ALS2: variants seen among roughly 807,000 people sequenced by gnomAD.
The protein encoded by ALS2 is alsin Rho guanine nucleotide exchange factor ALS2.
Under a neutral mutation model 203.4 loss-of-function variants are expected in ALS2, and 117 were observed. The ratio of observed to expected loss-of-function variants is 0.58; its 90% CI spans 0.50 to 0.67. The LOEUF is 0.67. Ranked by LOEUF, ALS2 falls within the 30% of genes least tolerant of loss-of-function variation. The pLI is 0.00. For synonymous variants in ALS2, 718 were observed against 725.9 expected (o/e 0.99, Z 0.17); for missense variants, 1,715 against 1,989.4 (o/e 0.86, Z 2.62).
chr2:201,734,924 T>A (rs1181253566), intron 12 of ALS2, among the ~76,000 whole-genome samples: 1 of 151,958 alleles, frequency 6.6e-6, no homozygotes, highest in Non-Finnish European at 1.5e-5. Flanking sequence ...ATTTTTAAAA[T>A]AAAAAAATAT....
intron 1 of ALS2, among the ~76,000 whole-genome samples, chr2:201,770,012 T>C (rs1574804144): frequency 6.6e-6 from 1 of 152,328 alleles, no homozygotes; most frequent in Non-Finnish European, 1.5e-5. Context: ...TAACAAGAGA[T>C]ATATCTGAAT....
At chr2:201,759,943 G>A (rs1330145510) in intron 4 of ALS2, 3 of 984,038 alleles carry the variant, frequency 3.0e-6, no homozygotes, top group East Asian at 1.1e-4. Context: ...AGTTTAAGCG[G>A]GAACTCAAAC....
chr2:201,768,758 C>T (rs1694230780), intron 2 of ALS2, 108 bp downstream of exon 2: 5 of 1,124,796 alleles, frequency 4.4e-6, no homozygotes, highest in African/African-American at 1.5e-5. Context: ...ACTATTCCCA[C>T]TTAACAACCA....
Position 201,741,684 on chromosome 2 carries a change from T to C in ALS2, c.2341A>G (p.Ser781Gly). 2 of 1,614,108 alleles carry C rather than the reference T, an allele frequency of 1.2e-6. No individual in the cohort carries two copies. The highest frequency in any genetic ancestry group is 8.5e-7 in the Non-Finnish European group (1 of 1,180,004). ...GGACTGGATACTTGCTCTGTATAAC[T>C]ATCCAAGAAGAGACTTGAATGCTTC... ...ILKHSSLFLDSYTEYCTSITN... is the reference protein window; with the variant it reads ...ILKHSSLFLDGYTEYCTSITN... Residue 781 changes from serine (S) to glycine (G), a missense_variant, in exon 11 of 34, where the codon AGT (serine) becomes GGT (glycine). Ser to Gly is a moderately conservative substitution (Grantham distance 56). This residue lies in a region of ALS2 where 1,227 missense variants were observed against 1,413.5 expected (regional missense o/e 0.87). Transcript: ENST00000264276.
In ALS2 at chr2:201,726,849, A is replaced by G. The variant is rs1050068436; in HGVS notation, c.2997T>C (p.Ala999=). The G allele has an allele frequency of 6.2e-7, 1 of 1,613,960 alleles. No individual in the cohort carries two copies. The part of the protein sequence containing the change: ...TPQEKTKWLR[A]ISQAVDQALR... ...AAGCCTGATCTACGGCTTGGCTTAT[A>G]GCTCGTAGCCACTTTGTCTAGGAGC... Residue 999 remains alanine (A), a synonymous_variant, in exon 18 of 34, where the codon GCT becomes GCC. Transcript: ENST00000264276.
In ALS2 at chr2:201,757,514, C is replaced by G. The variant is rs796181791; in HGVS notation, c.1359G>C (p.Gln453His). 6.2e-7 allele frequency: 1 copy of G among 1,614,002 alleles called. No homozygotes were observed. The highest frequency in any genetic ancestry group is 1.3e-5 in the African/African-American group (1 of 75,026). ...TTCCTTGCATTGATTCCTGTTTAAC[C>G]TGTTCTTCCCTGCTATCTTTCAAAC... ...PEGLKDSREEQVKQESMQGKK... is the reference protein window; with the variant it reads ...PEGLKDSREEHVKQESMQGKK... The change falls in exon 5 of 34, where the codon CAG becomes CAC. Residue 453 changes from glutamine (Q) to histidine (H), a missense_variant. Gln to His is a conservative substitution (Grantham distance 24). Transcript: ENST00000264276.
intron 8 of ALS2, 22 bp downstream of exon 8, chr2:201,749,690 G>A (rs574517706): frequency 2.5e-5 from 40 of 1,587,582 alleles, no homozygotes; most frequent in Non-Finnish European, 3.5e-5. Context: ...GGAATAAGTT[G>A]CTATCAAGTT....
At chr2:201,758,321 T>C (rs1693529119) in intron 4 of ALS2, among the ~76,000 whole-genome samples, 1 of 152,158 alleles carries the variant, frequency 6.6e-6, no homozygotes, top group Non-Finnish European at 1.5e-5. Context: ...TAACCTATCA[T>C]CTCCCAAATT....
intron 23 of ALS2, chr2:201,722,482 T>A (rs548783183): frequency 6.6e-6 from 1 of 152,612 alleles, no homozygotes; most frequent in Non-Finnish European, 1.5e-5. Flanking sequence ...ACTCCAGGCA[T>A]CTACTTGAGA....
chr2:201,705,640 G>C (rs961056716), intron 29 of ALS2, among the ~76,000 whole-genome samples, 179 bp from the exon 30 acceptor site: 1 of 152,078 alleles, frequency 6.6e-6, no homozygotes, highest in Non-Finnish European at 1.5e-5. Context: ...ATCTCCCTAA[G>C]GGATTTGTCA....
chr2:201,713,651 T>G (rs180998019), intron 25 of ALS2, among the ~76,000 whole-genome samples: 1 of 152,360 alleles, frequency 6.6e-6, no homozygotes, highest in East Asian at 1.9e-4. Context: ...AACCCCAAAA[T>G]TTTGATTTGG....
intron 3 of ALS2, 36 bp downstream of exon 3, chr2:201,767,193 T>C: frequency 6.2e-7 from 1 of 1,613,628 alleles, no homozygotes; most frequent in Non-Finnish European, 8.5e-7. Context: ...TTGTTAGCAT[T>C]GCAGTTCGTA....
rs1213507308 is a variant in ALS2 at position 201,738,672 on chromosome 2, G to A, written c.2415C>T (p.Ala805=). Reference sequence around the variant, plus strand: ...CTGGAAGGTGTGGGTTTGCTTACATGGCAGGCTTAGCAAGAAGCTGGAATC... The same window carrying A: ...CTGGAAGGTGTGGGTTTGCTTACATAGCAGGCTTAGCAAGAAGCTGGAATC... ...MGGFQLLAKP[A]IDFLNKNQEL... Residue 805 remains alanine, a splice_region_variant and synonymous_variant, in exon 12 of 34, where the codon GCC becomes GCT. Transcript: ENST00000264276. 3 of 1,613,534 alleles carry A rather than the reference G, an allele frequency of 1.9e-6. No homozygotes were observed. Among genetic ancestry groups the A allele is most frequent in the Non-Finnish European group, 2.5e-6 (3 of 1,179,630 alleles).
chr2:201,732,274 G>A (rs1359754444), intron 13 of ALS2, among the ~76,000 whole-genome samples: 1 of 151,900 alleles, frequency 6.6e-6, no homozygotes, highest in African/African-American at 2.4e-5. Flanking sequence ...CCTACAAGGG[G>A]CCAGCGTGGT....
intron 1 of ALS2, among the ~76,000 whole-genome samples, chr2:201,772,647 C>T (rs1694451890): frequency 6.6e-6 from 1 of 152,164 alleles, no homozygotes; most frequent in South Asian, 2.1e-4. Flanking sequence ...TTCCAAAATG[C>T]ACCTTGCCCC....
At chr2:201,752,382 T>G (rs919868564) in intron 7 of ALS2, among the ~76,000 whole-genome samples, 2 of 152,182 alleles carry the variant, frequency 1.3e-5, no homozygotes, top group Non-Finnish European at 2.9e-5. Context: ...ATAAAGCCAG[T>G]AATTTTTATT....
intron 5 of ALS2, among the ~76,000 whole-genome samples, chr2:201,756,466 T>C (rs1259622055): frequency 6.6e-6 from 1 of 152,114 alleles, no homozygotes; most frequent in Non-Finnish European, 1.5e-5. Flanking sequence ...TTTAGTACAG[T>C]CTAGAATTCC....
intron 29 of ALS2, among the ~76,000 whole-genome samples, chr2:201,705,806 G>A (rs1449589770): frequency 6.6e-6 from 1 of 152,144 alleles, no homozygotes; most frequent in Non-Finnish European, 1.5e-5. Flanking sequence ...AAAATTAGCT[G>A]GGTGCGTTGA....
At chr2:201,769,018 AGCCCTCT>A in intron 1 of ALS2, 73 bp from the exon 2 acceptor site, 3 of 705,128 alleles carry the variant, frequency 4.3e-6, no homozygotes, top group Non-Finnish European at 7.1e-6. Flanking sequence ...AAAAAAAAGC[AGCCCTCT>A]AACAAGTGCA....
Sources: gnomAD v4.1 joint callset for allele counts (sites outside exome capture counted in the v4.1 genomes callset) on GRCh38, gnomAD v4.1.1 for gene constraint, gnomAD v4.1.1 regional missense constraint, MANE v1.5 for transcripts, NCBI Gene and HGNC (gene_info 2026-07-23, HGNC 2026-07-21) for gene names.